STK4: variants seen among roughly 807,000 people sequenced by gnomAD.
STK4 encodes serine/threonine-protein kinase 4.
In STK4, 30 loss-of-function variants were observed where a neutral mutation model predicts 64.9. The ratio of observed to expected loss-of-function variants is 0.46; its 90% CI spans 0.35 to 0.63. The LOEUF is 0.63. Ranked by LOEUF, STK4 falls within the 20% of genes least tolerant of loss-of-function variation. The pLI is 0.01. For missense variants in STK4, 466 were observed against 598.5 expected (o/e 0.78, Z 2.31); for synonymous variants, 177 against 199.0 (o/e 0.89, Z 0.93).
chr20:45,023,037 T>C (rs967989457), intron 9 of STK4, among the ~76,000 whole-genome samples: 2 of 152,224 alleles, frequency 1.3e-5, no homozygotes, highest in Non-Finnish European at 2.9e-5. Context: ...GTTGCTCTTT[T>C]TTGTTACCAC....
At chr20:44,992,920 T>C (rs1481437260) in intron 5 of STK4, among the ~76,000 whole-genome samples, 1 of 151,982 alleles carries the variant, frequency 6.6e-6, no homozygotes, top group African/African-American at 2.4e-5. Context: ...GGTTTCGAAC[T>C]CCTGAGCTCA....
intron 10 of STK4, chr20:45,053,130 A>G (rs760430170): frequency 1.9e-6 from 3 of 1,612,838 alleles, no homozygotes; most frequent in Non-Finnish European, 2.5e-6. Context: ...TATGTATCCA[A>G]AATTGCCAGG....
At chr20:45,073,302 C>G (rs1025014607) in intron 10 of STK4, among the ~76,000 whole-genome samples, 1 of 152,070 alleles carries the variant, frequency 6.6e-6, no homozygotes, top group Non-Finnish European at 1.5e-5. Flanking sequence ...CCCACACTCT[C>G]AAGTCTTCCA....
rs561771173 is a variant in STK4 at position 45,010,624 on chromosome 20, A to C, written c.1147+9271A>C. 9.8e-5 allele frequency among the ~76,000 whole-genome samples: 15 copies of C among 152,316 alleles called. No individual in the cohort carries two copies. The East Asian group carries it at 2.7e-3, about 27-fold the overall frequency. ...TATATAATGAGTAATAGAGAAGCCAAGATTTGAACCCAGATATGTTTGATT... is the reference window on the plus strand; with the variant it reads ...TATATAATGAGTAATAGAGAAGCCACGATTTGAACCCAGATATGTTTGATT... On this transcript the variant is annotated intron_variant, in intron 9 of 10. Transcript: ENST00000372806.
At chr20:45,003,520 A>G (rs2067878085) in intron 9 of STK4, among the ~76,000 whole-genome samples, 1 of 152,188 alleles carries the variant, frequency 6.6e-6, no homozygotes, top group South Asian at 2.1e-4. Flanking sequence ...TGAAATTTCT[A>G]GAGGTTAAAA....
chr20:45,017,772 A>G (rs1038736733), intron 9 of STK4, among the ~76,000 whole-genome samples: 1 of 152,172 alleles, frequency 6.6e-6, no homozygotes, highest in Non-Finnish European at 1.5e-5. Context: ...CTATTGCTCT[A>G]GTTAGTAATC....
chr20:44,978,124 T>G (rs1568683422), intron 2 of STK4, among the ~76,000 whole-genome samples: 3 of 152,232 alleles, frequency 2.0e-5, no homozygotes, highest in Non-Finnish European at 2.9e-5. Context: ...CTCATCTTCA[T>G]TTTTTGTAGG....
chr20:45,006,468 A>G (rs1669770413), intron 9 of STK4, among the ~76,000 whole-genome samples: 1 of 151,450 alleles, frequency 6.6e-6, no homozygotes, highest in African/African-American at 2.4e-5. Flanking sequence ...AAACTTTCAG[A>G]TCCTGCTATT....
chr20:45,066,726 G>A (rs889305760), intron 10 of STK4, among the ~76,000 whole-genome samples: 5 of 152,174 alleles, frequency 3.3e-5, no homozygotes, highest in Non-Finnish European at 5.9e-5. Context: ...AACTCGTCGT[G>A]GTTTTGCTGC....
At position 45,023,297 on chromosome 20, in the gene STK4, C is replaced by T. The variant is rs533557125; in HGVS notation, c.1148-1676C>T. 2.2e-4 allele frequency among the ~76,000 whole-genome samples: 33 copies of T among 152,302 alleles called. 1 individual carries two copies. The highest frequency in any genetic ancestry group is 6.7e-4 in the African/African-American group (28 of 41,564). Reference sequence around the variant, plus strand: ...ATATGGGCAGATACGGGATTGGCTGCTGTTGAACTTAGCAATGGTGATAGT... The same window carrying T: ...ATATGGGCAGATACGGGATTGGCTGTTGTTGAACTTAGCAATGGTGATAGT... On this transcript the variant is annotated intron_variant, in intron 9 of 10. Coordinates refer to ENST00000372806, the MANE Select transcript of STK4 (RefSeq NM_006282.5).
At position 45,021,974 on chromosome 20, in the gene STK4, A is replaced by G. The variant is rs191383819; in HGVS notation, c.1148-2999A>G. Among the ~76,000 whole-genome samples, 14 of 152,326 alleles carry G rather than the reference A, an allele frequency of 9.2e-5. No homozygotes were observed. The East Asian group carries it at 2.7e-3, about 29-fold the overall frequency. On this transcript the variant is annotated intron_variant, in intron 9 of 10. Transcript: ENST00000372806. ...CTGGCCCTGTGTCTTCTTTTTGCAG[A>G]TTGGGAACCTGTGGTTTTACCAAGA...
intron 9 of STK4, among the ~76,000 whole-genome samples, chr20:45,009,473 C>T (rs1263325270): frequency 6.6e-6 from 1 of 152,100 alleles, no homozygotes; most frequent in Non-Finnish European, 1.5e-5. Context: ...AGTGCACTGC[C>T]TCTGGCTTTG....
chr20:45,039,642 A>C (rs1568745165), intron 10 of STK4, among the ~76,000 whole-genome samples: 1 of 152,148 alleles, frequency 6.6e-6, no homozygotes, highest in Non-Finnish European at 1.5e-5. Context: ...CTTTGCTTCA[A>C]AATGACCATT....
intron 9 of STK4, among the ~76,000 whole-genome samples, chr20:45,017,100 C>G (rs2145361428): frequency 6.6e-6 from 1 of 152,198 alleles, no homozygotes; most frequent in African/African-American, 2.4e-5. Flanking sequence ...ATATTTAATA[C>G]CAACCAAGAA....
chr20:45,071,710 C>T (rs1424332722), intron 10 of STK4, among the ~76,000 whole-genome samples: 1 of 152,184 alleles, frequency 6.6e-6, no homozygotes, highest in Non-Finnish European at 1.5e-5. Context: ...TCATGTTTAT[C>T]AAACTTGAGG....
At chr20:44,974,897 G>A (rs1057190162) in intron 2 of STK4, 2 of 152,186 alleles carry the variant, frequency 1.3e-5, no homozygotes, top group African/African-American at 2.4e-5. Flanking sequence ...GTGTTATGAG[G>A]ATCATATGGA....
intron 10 of STK4, among the ~76,000 whole-genome samples, chr20:45,066,686 TA>T (rs1979603826): frequency 2.0e-5 from 3 of 152,372 alleles, no homozygotes; most frequent in Middle Eastern, 3.4e-3. Context: ...TGATTAATTA[TA>T]AACCTAAAAT....
At chr20:45,033,695 T>G (rs6031942) in intron 10 of STK4, among the ~76,000 whole-genome samples, 2,943 of 152,288 alleles carry the variant, frequency 0.019, 94 homozygotes, top group African/African-American at 0.067. Context: ...TTCTCCTGCC[T>G]CAGCCTCCTG....
intron 6 of STK4, 81 bp from the exon 7 acceptor site, chr20:44,997,088 A>G: frequency 6.3e-7 from 1 of 1,586,476 alleles, no homozygotes; most frequent in Non-Finnish European, 8.6e-7. Flanking sequence ...CAAGCTTCAA[A>G]TGTAATTCCA....
Sources: gnomAD v4.1 joint callset for allele counts (sites outside exome capture counted in the v4.1 genomes callset) on GRCh38, gnomAD v4.1.1 for gene constraint, MANE v1.5 for transcripts, NCBI Gene and HGNC (gene_info 2026-07-23, HGNC 2026-07-21) for gene names.